The following SEMA3E variants were observed in gnomAD, a reference collection of about 807,000 sequenced individuals.
SEMA3E encodes semaphorin-3E.
In SEMA3E, 49 loss-of-function variants were observed where a neutral mutation model predicts 93.6. The ratio of observed to expected loss-of-function variants is 0.52; its 90% CI spans 0.42 to 0.66. The LOEUF is 0.66. SEMA3E is among the 30% of genes least tolerant of loss of function. SEMA3E has a pLI of 0.00. For missense variants in SEMA3E, 906 were observed against 964.8 expected, an observed-to-expected ratio of 0.94 and a Z score of 0.81; for synonymous variants, 363 against 330.7, an observed-to-expected ratio of 1.10 and a Z score of -1.06.
chr7:83,474,095 T>TAAAAAAAAA (rs11324407), intron 2 of SEMA3E, among the ~76,000 whole-genome samples: 24 of 108,472 alleles, frequency 2.2e-4, no homozygotes, highest in East Asian at 5.1e-4. Context: ...CTATCTCAAT[T>TAAAAAAAAA]AAAAAAAAAA....
intron 1 of SEMA3E, among the ~76,000 whole-genome samples, chr7:83,630,413 AG>A (rs1452909182): frequency 6.6e-6 from 1 of 152,206 alleles, no homozygotes; most frequent in African/African-American, 2.4e-5. Context: ...AATGTCTATA[AG>A]TTAGAGGATT....
At chr7:83,587,862 T>C (rs1254488443) in intron 1 of SEMA3E, among the ~76,000 whole-genome samples, 1 of 151,978 alleles carries the variant, frequency 6.6e-6, no homozygotes, top group Non-Finnish European at 1.5e-5. Flanking sequence ...TATTCAAGAA[T>C]GATTTATATA....
chr7:83,557,230 T>C (rs1791916217), intron 1 of SEMA3E, among the ~76,000 whole-genome samples: 1 of 151,990 alleles, frequency 6.6e-6, no homozygotes, highest in Admixed American at 6.5e-5. Context: ...ATAATATTTC[T>C]TCAATTAAAT....
At chr7:83,469,370 C>A in intron 2 of SEMA3E, 68 bp from the exon 3 acceptor site, 3 of 1,052,432 alleles carry the variant, frequency 2.9e-6, no homozygotes, top group Non-Finnish European at 4.4e-6. Context: ...AAAACCATTT[C>A]ACTTTCTTCT....
intron 5 of SEMA3E, among the ~76,000 whole-genome samples, chr7:83,414,465 T>C (rs2255587): frequency 0.53 from 81,119 of 151,824 alleles, 23,474 homozygotes; most frequent in East Asian, 0.84. Context: ...ATAATAAGGA[T>C]ATATATTCAC....
At chr7:83,469,172 T>G in intron 3 of SEMA3E, 71 bp downstream of exon 3, 1 of 1,263,012 alleles carries the variant, frequency 7.9e-7, no homozygotes, top group South Asian at 1.2e-5. Context: ...AAAATTTCAG[T>G]GATTCAGTTC....
intron 1 of SEMA3E, among the ~76,000 whole-genome samples, chr7:83,615,277 C>A (rs963503929): frequency 2.6e-5 from 4 of 152,050 alleles, no homozygotes; most frequent in African/African-American, 9.7e-5. Flanking sequence ...CCAAATAATT[C>A]TAAAATGTAA....
chr7:83,597,712 T>A (rs1486164116), intron 1 of SEMA3E, among the ~76,000 whole-genome samples: 1 of 152,190 alleles, frequency 6.6e-6, no homozygotes, highest in African/African-American at 2.4e-5. Context: ...GTCTTGGTTA[T>A]TGCTATGGTA....
chr7:83,509,215 A>G (rs1016885116), intron 1 of SEMA3E, among the ~76,000 whole-genome samples: 1 of 152,222 alleles, frequency 6.6e-6, no homozygotes, highest in Non-Finnish European at 1.5e-5. Context: ...TAGCATAAAT[A>G]TAACACTAGA....
chr7:83,421,116 A>G (rs2115705690), intron 4 of SEMA3E, among the ~76,000 whole-genome samples: 1 of 142,660 alleles, frequency 7.0e-6, no homozygotes, highest in Non-Finnish European at 1.6e-5. Context: ...CTCAAAAAGT[A>G]TTACTGATTT....
At chr7:83,558,892 C>T (rs1363282396) in intron 1 of SEMA3E, among the ~76,000 whole-genome samples, 1 of 151,946 alleles carries the variant, frequency 6.6e-6, no homozygotes, top group Non-Finnish European at 1.5e-5. Flanking sequence ...TTAAATTTGG[C>T]TCCCCTTTTT....
chr7:83,579,993 A>G (rs1186998120), intron 1 of SEMA3E, among the ~76,000 whole-genome samples: 1 of 152,054 alleles, frequency 6.6e-6, no homozygotes, highest in Non-Finnish European at 1.5e-5. Context: ...CAGTTTAGTC[A>G]ACGAAAGCAT....
chr7:83,382,036 G>C (rs1050385825), intron 16 of SEMA3E, among the ~76,000 whole-genome samples: 2 of 151,930 alleles, frequency 1.3e-5, no homozygotes, highest in Non-Finnish European at 2.9e-5. Context: ...TCTATATAAG[G>C]ATCAATCTGA....
intron 1 of SEMA3E, among the ~76,000 whole-genome samples, chr7:83,555,067 T>C (rs922576399): frequency 6.6e-6 from 1 of 152,052 alleles, no homozygotes; most frequent in African/African-American, 2.4e-5. Context: ...AATTTAACTA[T>C]AAGTGCAGGA....
At chr7:83,642,346 C>A (rs1278443733) in intron 1 of SEMA3E, among the ~76,000 whole-genome samples, 1 of 152,090 alleles carries the variant, frequency 6.6e-6, no homozygotes, top group Non-Finnish European at 1.5e-5. Flanking sequence ...CTCGAGTAAT[C>A]AGTTGTCTTG....
chr7:83,570,376 A>T (rs960608762), intron 1 of SEMA3E, among the ~76,000 whole-genome samples: 5 of 149,706 alleles, frequency 3.3e-5, no homozygotes, highest in Non-Finnish European at 5.9e-5. Context: ...AAACGGTGAA[A>T]CCCCGTCTCT....
intron 1 of SEMA3E, among the ~76,000 whole-genome samples, chr7:83,514,831 AT>A (rs879434594): frequency 1.6e-4 from 24 of 151,544 alleles, no homozygotes; most frequent in African/African-American, 4.1e-4. Context: ...ATCCATCAGG[AT>A]TTTTTTTTAA....
At chr7:83,569,068 A>G (rs1792221175) in intron 1 of SEMA3E, among the ~76,000 whole-genome samples, 1 of 152,132 alleles carries the variant, frequency 6.6e-6, no homozygotes, top group African/African-American at 2.4e-5. Context: ...TTATTAAAGT[A>G]GTAGCATTTC....
chr7:83,535,485 C>T (rs1791394401), intron 1 of SEMA3E, among the ~76,000 whole-genome samples: 1 of 151,342 alleles, frequency 6.6e-6, no homozygotes, highest in African/African-American at 2.4e-5. Context: ...ATATGTTTTG[C>T]TTAGGTAATC....
Sources: allele counts gnomAD v4.1 joint callset (sites outside exome capture counted in the v4.1 genomes callset), GRCh38; gene constraint gnomAD v4.1.1; transcripts MANE v1.5; gene names NCBI Gene and HGNC (gene_info 2026-07-23, HGNC 2026-07-21).